The following ZNF521 variants were observed in gnomAD, a reference collection of about 807,000 sequenced individuals.
ZNF521 encodes the protein LYST-interacting protein 3.
In ZNF521, 14 loss-of-function variants were observed where a neutral mutation model predicts 105.5. That is an observed-to-expected ratio of 0.13 (90% CI 0.09 to 0.21). ZNF521 has a LOEUF of 0.21. Ranked by LOEUF, ZNF521 falls within the 10% of genes least tolerant of loss-of-function variation. The pLI is 1.00. For missense variants in ZNF521, 1,233 were observed against 1,629.7 expected, an observed-to-expected ratio of 0.76 and a Z score of 4.19; for synonymous variants, 635 against 606.0, an observed-to-expected ratio of 1.05 and a Z score of -0.70.
intron 5 of ZNF521, among the ~76,000 whole-genome samples, chr18:25,150,255 T>C (rs997970194): frequency 2.0e-5 from 3 of 152,084 alleles, no homozygotes; most frequent in South Asian, 2.1e-4. Flanking sequence ...ATAAGAATGA[T>C]ACAATGGACT....
intron 2 of ZNF521, among the ~76,000 whole-genome samples, chr18:25,325,628 T>C (rs1160066875): frequency 6.6e-6 from 1 of 152,134 alleles, no homozygotes; most frequent in Non-Finnish European, 1.5e-5. Context: ...TCTCTCCCCC[T>C]ACCCTAAATG....
intron 5 of ZNF521, among the ~76,000 whole-genome samples, chr18:25,190,063 A>G (rs1158620857): frequency 1.3e-5 from 2 of 152,160 alleles, no homozygotes; most frequent in Non-Finnish European, 2.9e-5. Flanking sequence ...GTCCATGTAG[A>G]AACCCTTTAT....
At chr18:25,197,460 T>C (rs2035921936) in intron 4 of ZNF521, among the ~76,000 whole-genome samples, 1 of 151,890 alleles carries the variant, frequency 6.6e-6, no homozygotes, top group Non-Finnish European at 1.5e-5. Context: ...TTTTAAAACG[T>C]TGATGTTAAA....
chr18:25,115,920 A>G (rs143961398), intron 5 of ZNF521, among the ~76,000 whole-genome samples: 50 of 152,352 alleles, frequency 3.3e-4, no homozygotes, highest in Middle Eastern at 3.4e-3. Flanking sequence ...GAAAACCTCA[A>G]TAATGCTCTA....
intron 4 of ZNF521, among the ~76,000 whole-genome samples, chr18:25,197,531 C>T (rs2035923062): frequency 1.3e-5 from 2 of 151,924 alleles, no homozygotes; most frequent in African/African-American, 4.8e-5. Context: ...TGAGAGATCC[C>T]TGCACACCTG....
Position 25,144,295 on chromosome 18 carries a change from C to T in ZNF521, c.3658+50865G>A, listed in dbSNP as rs369880764. Among the ~76,000 whole-genome samples the T allele has an allele frequency of 2.0e-5, 3 of 152,288 alleles. No homozygotes were observed. In the East Asian group the frequency reaches 5.8e-4, roughly 29 times the overall value. On this transcript the variant is annotated intron_variant, in intron 5 of 7. Coordinates refer to ENST00000361524, the MANE Select transcript of ZNF521 (RefSeq NM_015461.3). The stretch of plus-strand genomic sequence containing the variant: ...TAATGCTTCTGTGAGCGCACTCTCT[C>T]TTGCTACTCTTTTAGCCACCCCATG...
intron 3 of ZNF521, among the ~76,000 whole-genome samples, chr18:25,235,373 C>T (rs1037725744): frequency 1.3e-5 from 2 of 152,134 alleles, no homozygotes; most frequent in African/African-American, 4.8e-5. Context: ...AACTTCTTCA[C>T]TGGGGAAGCA....
At chr18:25,099,423 A>G (rs895892477) in intron 5 of ZNF521, among the ~76,000 whole-genome samples, 1 of 152,188 alleles carries the variant, frequency 6.6e-6, no homozygotes, top group African/African-American at 2.4e-5. Flanking sequence ...CTGGCAAATA[A>G]AGCATTAACA....
At chr18:25,350,572 G>C (rs1193991239) in intron 2 of ZNF521, among the ~76,000 whole-genome samples, 3 of 151,908 alleles carry the variant, frequency 2.0e-5, no homozygotes, top group Admixed American at 1.3e-4. Context: ...CCCAGATGTA[G>C]ATCTCAGACG....
intron 3 of ZNF521, among the ~76,000 whole-genome samples, chr18:25,264,360 C>T (rs1909107912): frequency 1.3e-5 from 2 of 152,164 alleles, no homozygotes; most frequent in African/African-American, 2.4e-5. Context: ...CTGGAATATA[C>T]TCAACTGAGT....
chr18:25,159,824 G>A (rs953046391), intron 5 of ZNF521, among the ~76,000 whole-genome samples: 3 of 152,128 alleles, frequency 2.0e-5, no homozygotes, highest in African/African-American at 4.8e-5. Flanking sequence ...AGCATCCTTC[G>A]GCCTTGGTGT....
At chr18:25,205,952 CT>C (rs2036071134) in intron 4 of ZNF521, among the ~76,000 whole-genome samples, 1 of 151,968 alleles carries the variant, frequency 6.6e-6, no homozygotes, top group Non-Finnish European at 1.5e-5. Flanking sequence ...CAGCTATAAG[CT>C]CTTTAAGGCT....
At chr18:25,206,524 G>A (rs895378882) in intron 4 of ZNF521, among the ~76,000 whole-genome samples, 3 of 151,776 alleles carry the variant, frequency 2.0e-5, no homozygotes, top group African/African-American at 7.3e-5. Flanking sequence ...CTCGTGTTCT[G>A]GTAGTTTTTG....
intron 3 of ZNF521, among the ~76,000 whole-genome samples, chr18:25,276,790 T>G (rs777903591): frequency 1.3e-5 from 2 of 152,258 alleles, no homozygotes; most frequent in Non-Finnish European, 2.9e-5. Flanking sequence ...ACAGATATAT[T>G]TAGTTCACCT....
At chr18:25,349,697 C>G (rs1034598277) in intron 2 of ZNF521, among the ~76,000 whole-genome samples, 4 of 151,534 alleles carry the variant, frequency 2.6e-5, no homozygotes, top group Admixed American at 6.6e-5. Flanking sequence ...CACGGGGCGC[C>G]GCGGCCCGGC....
chr18:25,250,412 C>A (rs1444204593), intron 3 of ZNF521, among the ~76,000 whole-genome samples: 1 of 152,184 alleles, frequency 6.6e-6, no homozygotes, highest in Non-Finnish European at 1.5e-5. Flanking sequence ...TGGAATAGAT[C>A]TGAAGTAAGC....
chr18:25,105,712 G>A (rs772683927), intron 5 of ZNF521, among the ~76,000 whole-genome samples: 3 of 152,110 alleles, frequency 2.0e-5, no homozygotes, highest in Admixed American at 6.6e-5. Context: ...TAGTTACTGA[G>A]AGCCTGGCTC....
intron 4 of ZNF521, among the ~76,000 whole-genome samples, chr18:25,223,401 C>T (rs1045350753): frequency 1.3e-5 from 2 of 152,094 alleles, no homozygotes; most frequent in African/African-American, 2.4e-5. Flanking sequence ...GGGGGGCCTC[C>T]GCCAGGGTGT....
chr18:25,115,882 A>C (rs570556982), intron 5 of ZNF521, among the ~76,000 whole-genome samples: 72 of 152,320 alleles, frequency 4.7e-4, no homozygotes, highest in Admixed American at 2.3e-3. Flanking sequence ...TGAGTTTACA[A>C]AGAGCTTGAC....
Sources: allele counts gnomAD v4.1 joint callset (sites outside exome capture counted in the v4.1 genomes callset), GRCh38; gene constraint gnomAD v4.1.1; transcripts MANE v1.5; gene names NCBI Gene and HGNC (gene_info 2026-07-23, HGNC 2026-07-21).